VWA8: variants seen among roughly 807,000 people sequenced by gnomAD.
VWA8 encodes the protein von Willebrand factor A domain-containing protein 8.
Under a neutral mutation model 241.5 loss-of-function variants are expected in VWA8, and 221 were observed. The ratio of observed to expected loss-of-function variants is 0.91; its 90% CI spans 0.82 to 1.02. VWA8 has a LOEUF of 1.02. Ranked by LOEUF, VWA8 falls within the 50% of genes least tolerant of loss-of-function variation. The pLI is 0.00. For synonymous variants in VWA8, 852 were observed against 827.1 expected (o/e 1.03, Z -0.52); for missense variants, 2,322 against 2,328.7 (o/e 1.00, Z 0.06).
At chr13:41,589,120 C>G (rs2044438418) in intron 41 of VWA8, among the ~76,000 whole-genome samples, 1 of 152,154 alleles carries the variant, frequency 6.6e-6, no homozygotes, top group African/African-American at 2.4e-5. Flanking sequence ...ACCCCCAGCT[C>G]TCAGTGGCGA....
chr13:41,904,770 C>CA lies in VWA8; in HGVS notation c.483+2815_483+2816insT, dbSNP rs1875624574. Among the ~76,000 whole-genome samples, 4 of 151,844 alleles carry CA rather than the reference C, an allele frequency of 2.6e-5. No homozygotes were observed. In the South Asian group the frequency reaches 8.3e-4, roughly 32 times the overall value. On this transcript the variant is annotated intron_variant, in intron 4 of 44. Coordinates refer to ENST00000379310, the MANE Select transcript of VWA8 (RefSeq NM_015058.2). ...AGACCATATATTTTAGAAAATTAAC[C>CA]CAATATGAAATTTAAAAAATTAAAC...
At chr13:41,769,150 G>A (rs992036671) in intron 20 of VWA8, among the ~76,000 whole-genome samples, 5 of 152,152 alleles carry the variant, frequency 3.3e-5, no homozygotes, top group African/African-American at 9.7e-5. Flanking sequence ...CAAGGCATCC[G>A]CCTACCTCGG....
intron 20 of VWA8, 120 bp from the exon 21 acceptor site, chr13:41,761,324 T>G (rs944142451): frequency 1.1e-5 from 11 of 967,954 alleles, no homozygotes; most frequent in Non-Finnish European, 1.4e-5. Context: ...TTTTAGTTTA[T>G]TGTTCATGAA....
rs947960635 is a variant in VWA8, at chr13:41,698,908, T to C, written c.3564+163A>G. On this transcript the variant is annotated intron_variant, in intron 29 of 44. Transcript: ENST00000379310. ...TGAAGTCTCTAGAGAAAAGAAGATA[T>C]TAGCCTGCCTTTGTAGTACTGATAA... 2.6e-5 allele frequency among the ~76,000 whole-genome samples: 4 copies of C among 152,262 alleles called. No homozygotes were observed. In the East Asian group the frequency reaches 7.7e-4, roughly 29 times the overall value.
At chr13:41,574,387 G>A (rs1454075650) in intron 43 of VWA8, among the ~76,000 whole-genome samples, 1 of 151,754 alleles carries the variant, frequency 6.6e-6, no homozygotes, top group Non-Finnish European at 1.5e-5. Context: ...AGCTCTACAA[G>A]GAAAACTACA....
At chr13:41,927,550 A>C (rs150488868) in intron 2 of VWA8, among the ~76,000 whole-genome samples, 39 of 152,318 alleles carry the variant, frequency 2.6e-4, no homozygotes, top group African/African-American at 9.1e-4. Flanking sequence ...TCAAAAAAAA[A>C]AAACTATAAG....
At chr13:41,943,643 T>A (rs1274401752) in intron 2 of VWA8, among the ~76,000 whole-genome samples, 1 of 152,130 alleles carries the variant, frequency 6.6e-6, no homozygotes, top group Admixed American at 6.5e-5. Flanking sequence ...CTTGGATCCA[T>A]AATACATAAA....
chr13:41,861,402 A>G (rs1025876893), intron 12 of VWA8, among the ~76,000 whole-genome samples: 1 of 152,222 alleles, frequency 6.6e-6, no homozygotes, highest in Admixed American at 6.5e-5. Context: ...GAATAAGACA[A>G]GGATGTCCAC....
chr13:41,609,662 G>C (rs2044574797), intron 39 of VWA8, among the ~76,000 whole-genome samples: 1 of 152,092 alleles, frequency 6.6e-6, no homozygotes, highest in African/African-American at 2.4e-5. Flanking sequence ...CTACATGAAA[G>C]TAGAAAGCAA....
chr13:41,720,597 T>C (rs1163392543), intron 25 of VWA8, among the ~76,000 whole-genome samples: 1 of 152,130 alleles, frequency 6.6e-6, no homozygotes, highest in Non-Finnish European at 1.5e-5. Context: ...ATTACATTGA[T>C]ATTAACTATA....
chr13:41,652,443 A>G lies in VWA8; in HGVS notation c.4611+18503T>C, dbSNP rs556781114. On this transcript the variant is annotated intron_variant, in intron 37 of 44. Coordinates refer to ENST00000379310, the MANE Select transcript of VWA8 (RefSeq NM_015058.2). ...TACACCTGAAATGGTGGTTGTAATG[A>G]TCATGTGAGAGAATGTATCAGAAGC... 5.3e-5 allele frequency among the ~76,000 whole-genome samples: 8 copies of G among 152,312 alleles called. No individual in the cohort carries two copies. The South Asian group carries it at 1.7e-3, about 32-fold the overall frequency.
chr13:41,676,437 G>A (rs1426728549), intron 35 of VWA8, among the ~76,000 whole-genome samples: 3 of 152,068 alleles, frequency 2.0e-5, no homozygotes, highest in Non-Finnish European at 2.9e-5. Flanking sequence ...TTCTTCAACC[G>A]CCAAACATAC....
At chr13:41,881,372 CGG>C (rs756711531) in intron 9 of VWA8, among the ~76,000 whole-genome samples, 469 of 8,280 alleles carry the variant, frequency 0.057, 34 homozygotes, top group East Asian at 0.26. Flanking sequence ...TTTTTTTTGC[CGG>C]GGGGGGGGGG....
At chr13:41,814,853 G>C (rs1016025520) in intron 16 of VWA8, among the ~76,000 whole-genome samples, 1 of 152,126 alleles carries the variant, frequency 6.6e-6, no homozygotes, top group Non-Finnish European at 1.5e-5. Flanking sequence ...GGAGACTACA[G>C]GGAACAAAGA....
chr13:41,600,780 G>A (rs964988661), intron 40 of VWA8, among the ~76,000 whole-genome samples: 1 of 152,070 alleles, frequency 6.6e-6, no homozygotes, highest in African/African-American at 2.4e-5. Context: ...TCCAGGGCTT[G>A]AAAACCTCCC....
At chr13:41,798,536 T>G (rs1869807086) in intron 17 of VWA8, among the ~76,000 whole-genome samples, 1 of 152,228 alleles carries the variant, frequency 6.6e-6, no homozygotes, top group Non-Finnish European at 1.5e-5. Context: ...TTTTTTCTCT[T>G]GTATCTTTTT....
chr13:41,919,368 G>A (rs1156552160), intron 2 of VWA8, among the ~76,000 whole-genome samples: 5 of 152,164 alleles, frequency 3.3e-5, no homozygotes, highest in Non-Finnish European at 5.9e-5. Flanking sequence ...TCTGAGCCCA[G>A]CTGAGGGAGC....
chr13:41,771,886 C>CTTTTTTTTTT, intron 20 of VWA8, among the ~76,000 whole-genome samples: 1 of 100,266 alleles, frequency 1.0e-5, no homozygotes, highest in Non-Finnish European at 2.0e-5. Flanking sequence ...CCAGCAGGGA[C>CTTTTTTTTTT]TTTTTTTTTT....
intron 2 of VWA8, among the ~76,000 whole-genome samples, chr13:41,941,647 G>A (rs1471193784): frequency 6.6e-6 from 1 of 152,118 alleles, no homozygotes; most frequent in African/African-American, 2.4e-5. Context: ...GCAGCCCCTA[G>A]TAATCCCCAT....
Sources: gnomAD v4.1 joint callset for allele counts (sites outside exome capture counted in the v4.1 genomes callset) on GRCh38, gnomAD v4.1.1 for gene constraint, MANE v1.5 for transcripts, NCBI Gene and HGNC (gene_info 2026-07-23, HGNC 2026-07-21) for gene names.